The following KALRN variants were observed in gnomAD, a reference collection of about 807,000 sequenced individuals.
KALRN encodes kalirin RhoGEF kinase.
Under a neutral mutation model 353.7 loss-of-function variants are expected in KALRN, and 70 were observed. That is an observed-to-expected ratio of 0.20 (90% confidence interval 0.16 to 0.24). The LOEUF (loss-of-function observed/expected upper bound fraction) is 0.24, where lower values mean the gene tolerates loss of function less well. Among genes scored for constraint, KALRN ranks in the 10% least tolerant of loss-of-function variants. The pLI is 1.00. For missense variants in KALRN, 2,791 were observed against 3,756.7 expected (o/e 0.74, Z 6.72); for synonymous variants, 1,391 against 1,434.8 (o/e 0.97, Z 0.69).
rs76049417 is a variant in KALRN at position 124,707,596 on chromosome 3, A to G, written c.8076-5339A>G. Among the ~76,000 whole-genome samples the G allele has an allele frequency of 2.4e-4, 37 of 152,298 alleles. No homozygotes were observed. The East Asian group carries it at 6.9e-3, about 29-fold the overall frequency. On this transcript the variant is annotated intron_variant, in intron 57 of 59. Coordinates refer to ENST00000682506, the MANE Select transcript of KALRN (RefSeq NM_001388419.1). ...GCACAAACAGCAAAAACTCCAAGAA[A>G]ACCCCACATTTCTGGCCAAAGGACA... is the stretch of plus-strand genomic sequence containing the variant.
At chr3:124,637,377 G>A (rs947715820) in intron 37 of KALRN, 74 bp downstream of exon 37, 49 of 1,100,672 alleles carry the variant, frequency 4.5e-5, no homozygotes, top group South Asian at 7.5e-5. Context: ...TCTGTCTGCC[G>A]TTTTCTCCTT....
At chr3:124,522,979 A>G (rs1261705512) in intron 33 of KALRN, among the ~76,000 whole-genome samples, 1 of 152,208 alleles carries the variant, frequency 6.6e-6, no homozygotes, top group Non-Finnish European at 1.5e-5. Flanking sequence ...TGCCAACAGT[A>G]TTTCATTATT....
At chr3:124,565,835 C>T (rs760139561) in intron 34 of KALRN, among the ~76,000 whole-genome samples, 3 of 152,120 alleles carry the variant, frequency 2.0e-5, no homozygotes, top group Admixed American at 6.5e-5. Flanking sequence ...TCTGTGATCC[C>T]GAAGTGGGAG....
Position 124,674,584 on chromosome 3 carries a change from C to T in KALRN, c.7163C>T (p.Thr2388Ile), listed in dbSNP as rs1394405403. 2.5e-6 allele frequency: 4 copies of T among 1,605,392 alleles called. No individual in the cohort carries two copies. The highest frequency in any genetic ancestry group is 2.2e-5 in the East Asian group (1 of 44,622). The change falls in exon 49 of 60, where the codon ACA becomes ATA. Residue 2388 changes from threonine (T) to isoleucine (I), a missense_variant. Coordinates refer to ENST00000682506, the MANE Select transcript of KALRN (RefSeq NM_001388419.1). ...ATCCTGGCGCCCCTCACCAAAGCCACAGCAGCAGAAAGTAGTGACGGGAGC... is the reference window on the plus strand; with the variant it reads ...ATCCTGGCGCCCCTCACCAAAGCCATAGCAGCAGAAAGTAGTGACGGGAGC... ...GSILAPLTKA[T>I]AAESSDGSIK...
At chr3:124,361,775 G>A (rs1368228885) in intron 10 of KALRN, among the ~76,000 whole-genome samples, 3 of 145,624 alleles carry the variant, frequency 2.1e-5, no homozygotes, top group East Asian at 1.9e-4. Context: ...CCATAAAACC[G>A]GCTGGGGTGG....
intron 56 of KALRN, among the ~76,000 whole-genome samples, chr3:124,700,751 G>A (rs2062283905): frequency 6.6e-6 from 1 of 152,084 alleles, no homozygotes; most frequent in South Asian, 2.1e-4. Context: ...GCAGCTGACT[G>A]TACTCGAAAG....
At position 124,662,710 on chromosome 3, in the gene KALRN, T is replaced by C. The variant is rs144150068; in HGVS notation, c.6345+782T>C. ...CCAAAGATTTTGGTTTAAGTGAACA[T>C]ACAAGTTTACTAGGGCTGCCAAAAC... On this transcript the variant is annotated intron_variant, in intron 45 of 59. Coordinates refer to ENST00000682506, the MANE Select transcript of KALRN (RefSeq NM_001388419.1). Among the ~76,000 whole-genome samples, 85 of 152,342 alleles carry C rather than the reference T, an allele frequency of 5.6e-4. 1 individual carries two copies. The East Asian group carries it at 0.015, about 26-fold the overall frequency.
intron 1 of KALRN, among the ~76,000 whole-genome samples, chr3:124,070,941 A>C (rs2059986780): frequency 6.6e-6 from 1 of 151,794 alleles, no homozygotes; most frequent in African/African-American, 2.4e-5. Flanking sequence ...GTATGATTGA[A>C]ATTGCCTTAA....
intron 33 of KALRN, among the ~76,000 whole-genome samples, chr3:124,530,290 T>A (rs542402385): frequency 6.6e-6 from 1 of 152,230 alleles, no homozygotes; most frequent in Non-Finnish European, 1.5e-5. Context: ...CCATGTAGGA[T>A]AGGAATAGCT....
chr3:124,428,001 A>G (rs1215256000), intron 15 of KALRN, among the ~76,000 whole-genome samples: 2 of 152,344 alleles, frequency 1.3e-5, no homozygotes, highest in Non-Finnish European at 2.9e-5. Context: ...ACTGAGCCTT[A>G]GGGAGCTTAA....
At chr3:124,658,402 T>A in intron 41 of KALRN, 29 bp from the exon 42 acceptor site, 1 of 1,540,650 alleles carries the variant, frequency 6.5e-7, no homozygotes, top group Non-Finnish European at 9.0e-7. Context: ...GATGCCTGAC[T>A]GTCCACATGT....
intron 37 of KALRN, among the ~76,000 whole-genome samples, chr3:124,647,155 C>T (rs2082862670): frequency 1.3e-5 from 2 of 152,156 alleles, no homozygotes; most frequent in African/African-American, 4.8e-5. Context: ...GACCCTCTCA[C>T]CACAGCCTCC....
rs79256794 is a variant in KALRN, at chr3:124,412,832, A to G, written c.2347-638A>G. Among the ~76,000 whole-genome samples the G allele has an allele frequency of 8.3e-3, 1,262 of 152,304 alleles. 26 individuals are homozygous for G. Among genetic ancestry groups the G allele is most frequent in the African/African-American group, 0.029 (1,190 of 41,558 alleles). On this transcript the variant is annotated intron_variant, in intron 13 of 59. Transcript: ENST00000682506. ...AGGTGTCAACCTTTGTAATAGAAGGACAGAATGTTGCACAATAGAACACAG... is the reference window on the plus strand; with the variant it reads ...AGGTGTCAACCTTTGTAATAGAAGGGCAGAATGTTGCACAATAGAACACAG...
chr3:124,684,228 G>T (rs932700813), intron 51 of KALRN, among the ~76,000 whole-genome samples: 1 of 151,934 alleles, frequency 6.6e-6, no homozygotes, highest in Non-Finnish European at 1.5e-5. Flanking sequence ...GGCAGCTTCT[G>T]GTTTTTCTGC....
In KALRN at chr3:124,347,274, CTGTGTG is replaced by C. The variant is rs61359186; in HGVS notation, c.1770+51_1770+56del. 2.6e-3 allele frequency: 2,959 copies of C among 1,153,560 alleles called. 28 individuals are homozygous for C. The African/African-American group carries it at 0.034, about 13-fold the overall frequency. 71.5% of individuals were successfully genotyped at this position (1,153,560 alleles called of 1,614,324 possible). On this transcript the variant is annotated intron_variant, in intron 10 of 59. Coordinates refer to ENST00000682506, the MANE Select transcript of KALRN (RefSeq NM_001388419.1). ...TTGAAGAGGTGGCTCAGGTGAGAAG[CTGTGTG>C]TGTGTGTGTGTGTGTGTGTGTGTGT...
In KALRN at chr3:124,330,048, G is replaced by A. The variant is rs2080349366; in HGVS notation, c.1416+56G>A. 7 of 1,591,594 alleles carry A rather than the reference G, an allele frequency of 4.4e-6. No homozygotes were observed. In the East Asian group the frequency reaches 1.4e-4, roughly 31 times the overall value. On this transcript the variant is annotated intron_variant, in intron 8 of 59. Coordinates refer to ENST00000682506, the MANE Select transcript of KALRN (RefSeq NM_001388419.1). ...TGGGCATGTCTGCATGTGGGTGGGTGATGAGGGCACTGGCCTGTGCCCTGT... is the reference window on the plus strand; with the variant it reads ...TGGGCATGTCTGCATGTGGGTGGGTAATGAGGGCACTGGCCTGTGCCCTGT...
At chr3:124,628,774 G>T (rs62265575) in intron 34 of KALRN, among the ~76,000 whole-genome samples, 26,359 of 101,338 alleles carry the variant, frequency 0.26, 2,910 homozygotes, top group Middle Eastern at 0.42. Context: ...TTTTTTTGTA[G>T]AGACGGAGTC....
chr3:124,549,355 A>ACACACACACATAATCT, intron 33 of KALRN, among the ~76,000 whole-genome samples: 1 of 149,078 alleles, frequency 6.7e-6, no homozygotes, highest in South Asian at 2.1e-4. Context: ...ACACATAATC[A>ACACACACACATAATCT]CACACACACA....
intron 34 of KALRN, among the ~76,000 whole-genome samples, chr3:124,563,522 G>C (rs1244607750): frequency 6.6e-6 from 1 of 152,188 alleles, no homozygotes; most frequent in Non-Finnish European, 1.5e-5. Context: ...CTGACCTGGA[G>C]ACACCAGGCA....
Sources: allele counts gnomAD v4.1 joint callset (sites outside exome capture counted in the v4.1 genomes callset), GRCh38; gene constraint gnomAD v4.1.1; transcripts MANE v1.5; gene names NCBI Gene and HGNC (gene_info 2026-07-23, HGNC 2026-07-21).